The following NRXN3 variants were observed in gnomAD, a reference collection of about 807,000 sequenced individuals.
NRXN3 encodes neurexin III.
In NRXN3, 32 loss-of-function variants were observed where a neutral mutation model predicts 137.6. The observed-to-expected ratio is 0.23, with a 90% CI of 0.18 to 0.31. NRXN3 has a LOEUF of 0.31. Among genes scored for constraint, NRXN3 ranks in the 10% least tolerant of loss-of-function variants. NRXN3 has a pLI of 1.00. For synonymous variants in NRXN3, 798 were observed against 784.5 expected (o/e 1.02, Z -0.29); for missense variants, 1,574 against 2,062.5 (o/e 0.76, Z 4.59).
At chr14:79,083,242 A>C (rs1423075951) in intron 15 of NRXN3, among the ~76,000 whole-genome samples, 1 of 152,168 alleles carries the variant, frequency 6.6e-6, no homozygotes, top group Non-Finnish European at 1.5e-5. Context: ...CTCTGTCAGG[A>C]GTATTGGCAG....
At chr14:79,405,125 G>A (rs563937472) in intron 15 of NRXN3, among the ~76,000 whole-genome samples, 1 of 152,288 alleles carries the variant, frequency 6.6e-6, no homozygotes, top group Admixed American at 6.5e-5. Flanking sequence ...CAACAGGCCA[G>A]TGAAACAGCC....
At chr14:79,285,290 A>G (rs556046490) in intron 15 of NRXN3, among the ~76,000 whole-genome samples, 14 of 152,226 alleles carry the variant, frequency 9.2e-5, no homozygotes, top group Non-Finnish European at 1.6e-4. Flanking sequence ...AGAGAAATGT[A>G]TTTCATTTTA....
At chr14:79,120,741 A>T (rs537411620) in intron 15 of NRXN3, among the ~76,000 whole-genome samples, 2 of 152,214 alleles carry the variant, frequency 1.3e-5, no homozygotes, top group Admixed American at 1.3e-4. Flanking sequence ...AAGATGTTAA[A>T]TTTTTTAAAT....
In NRXN3 at chr14:79,761,671, C is replaced by T. The variant is rs139973857; in HGVS notation, c.4015-43441C>T. On this transcript the variant is annotated intron_variant, in intron 19 of 20. Coordinates refer to ENST00000335750, the MANE Select transcript of NRXN3 (RefSeq NM_001330195.2). Reference sequence around the variant, plus strand: ...ACTGCACTCCAGCCTGGCAACAAAGCGAGACTCTGTCTCAAAAAAAAAAAA... The same window carrying T: ...ACTGCACTCCAGCCTGGCAACAAAGTGAGACTCTGTCTCAAAAAAAAAAAA... Among the ~76,000 whole-genome samples, 61 of 109,886 alleles carry T rather than the reference C, an allele frequency of 5.6e-4. 2 individuals are homozygous for T. The East Asian group carries it at 0.012, about 21-fold the overall frequency. The allele number at this position is 109,886 out of a possible 152,430, so 72.1% of individuals were successfully genotyped here.
At chr14:78,570,724 C>T (rs2096881527) in intron 4 of NRXN3, among the ~76,000 whole-genome samples, 1 of 152,218 alleles carries the variant, frequency 6.6e-6, no homozygotes, top group African/African-American at 2.4e-5. Context: ...TCACCATGTT[C>T]TGAGAGACAG....
chr14:79,608,145 G>A (rs2098047477), intron 16 of NRXN3, among the ~76,000 whole-genome samples: 2 of 152,008 alleles, frequency 1.3e-5, no homozygotes, highest in South Asian at 4.1e-4. Flanking sequence ...GTTTTATCTT[G>A]ACCTTTGCTT....
rs1567520102 is a variant in NRXN3, at chr14:79,565,292, C to CGTGTGTGT, written c.3444+97890_3444+97891insGTGTGTGT. Among the ~76,000 whole-genome samples the CGTGTGTGT allele has an allele frequency of 7.8e-3, 902 of 116,314 alleles. 12 individuals carry two copies. Among genetic ancestry groups the CGTGTGTGT allele is most frequent in the Middle Eastern group, 0.043 (9 of 210 alleles). 76.3% of individuals were successfully genotyped at this position (116,314 alleles called of 152,430 possible). On this transcript the variant is annotated intron_variant, in intron 16 of 20. Transcript: ENST00000335750. ...GTGTGTGTGTATACATATACGCACA[C>CGTGTGTGT]ATGTGTATATACATATACACACACA...
At position 79,517,098 on chromosome 14, in the gene NRXN3, C is replaced by A. The variant is rs145209934; in HGVS notation, c.3444+49696C>A. ...AGTATTACACAAATGTACAGCCCCCCCCCCCTCAACGAATGGGAGCGCTTC... is the reference window on the plus strand; with the variant it reads ...AGTATTACACAAATGTACAGCCCCCACCCCCTCAACGAATGGGAGCGCTTC... On this transcript the variant is annotated intron_variant, in intron 16 of 20. Transcript: ENST00000335750. Among the ~76,000 whole-genome samples, 17 of 148,832 alleles carry A rather than the reference C, an allele frequency of 1.1e-4. 1 individual carries two copies. The highest frequency in any genetic ancestry group is 3.3e-4 in the African/African-American group (13 of 39,888).
intron 15 of NRXN3, among the ~76,000 whole-genome samples, chr14:79,400,807 G>A (rs926133500): frequency 1.3e-5 from 2 of 152,150 alleles, no homozygotes; most frequent in Admixed American, 6.6e-5. Context: ...AAGATTGGAG[G>A]TGGCTATTGT....
At chr14:78,394,733 A>G (rs2091237868) in intron 4 of NRXN3, among the ~76,000 whole-genome samples, 1 of 151,822 alleles carries the variant, frequency 6.6e-6, no homozygotes, top group South Asian at 2.1e-4. Flanking sequence ...TATAGATTTA[A>G]TTTCCTTAAT....
chr14:79,171,366 A>G (rs989337415), intron 15 of NRXN3, among the ~76,000 whole-genome samples: 5 of 152,190 alleles, frequency 3.3e-5, no homozygotes, highest in Non-Finnish European at 7.4e-5. Context: ...GAGTTGTGTT[A>G]TAAGAGTACG....
Position 79,387,709 on chromosome 14 carries a change from G to A in NRXN3, c.3263-79512G>A, listed in dbSNP as rs994629111. Among the ~76,000 whole-genome samples the A allele has an allele frequency of 2.0e-5, 3 of 151,862 alleles. No individual in the cohort carries two copies. The East Asian group carries it at 5.8e-4, about 29-fold the overall frequency. ...GCAAAGACTTGGAACCAAGCCAAAT[G>A]TCCAACAATGATAGACTGGATTAAG... On this transcript the variant is annotated intron_variant, in intron 15 of 20. Coordinates refer to ENST00000335750, the MANE Select transcript of NRXN3 (RefSeq NM_001330195.2).
intron 4 of NRXN3, among the ~76,000 whole-genome samples, chr14:78,569,007 A>G (rs1339670970): frequency 8.0e-6 from 1 of 124,798 alleles, no homozygotes; most frequent in African/African-American, 3.2e-5. Flanking sequence ...TCATTCTGTC[A>G]CCCAGGCTGG....
At chr14:78,878,837 C>T (rs1271886122) in intron 10 of NRXN3, among the ~76,000 whole-genome samples, 1 of 152,010 alleles carries the variant, frequency 6.6e-6, no homozygotes, top group Admixed American at 6.6e-5. Flanking sequence ...TTTGGTCAAA[C>T]ATCTCTCTAA....
intron 9 of NRXN3, among the ~76,000 whole-genome samples, chr14:78,807,221 C>T (rs1361628646): frequency 6.6e-6 from 1 of 152,144 alleles, no homozygotes; most frequent in Non-Finnish European, 1.5e-5. Flanking sequence ...TGGACAAAAC[C>T]TTTAAAAGAT....
At chr14:78,525,675 A>G (rs1249158870) in intron 4 of NRXN3, among the ~76,000 whole-genome samples, 1 of 152,176 alleles carries the variant, frequency 6.6e-6, no homozygotes, top group Non-Finnish European at 1.5e-5. Context: ...AATACCCCTG[A>G]GATGGGTGTA....
At chr14:79,829,575 T>C (rs1337626989) in intron 20 of NRXN3, among the ~76,000 whole-genome samples, 1 of 152,216 alleles carries the variant, frequency 6.6e-6, no homozygotes, top group East Asian at 1.9e-4. Flanking sequence ...CTGAATCAGT[T>C]ATAAATGAAT....
At chr14:79,237,932 G>C (rs555053649) in intron 15 of NRXN3, among the ~76,000 whole-genome samples, 3 of 152,272 alleles carry the variant, frequency 2.0e-5, no homozygotes, top group Admixed American at 2.0e-4. Context: ...ATGACTAAAT[G>C]TGAAGGTTTA....
At chr14:78,219,949 GT>G (rs2063673951) in intron 1 of NRXN3, among the ~76,000 whole-genome samples, 1 of 151,994 alleles carries the variant, frequency 6.6e-6, no homozygotes, top group African/African-American at 2.4e-5. Flanking sequence ...GGGAAGAGGG[GT>G]ATAGAAGAGA....
Sources: allele counts gnomAD v4.1 joint callset (sites outside exome capture counted in the v4.1 genomes callset), GRCh38; gene constraint gnomAD v4.1.1; transcripts MANE v1.5; gene names NCBI Gene and HGNC (gene_info 2026-07-23, HGNC 2026-07-21).